Variants in CUX1 observed in about 807,000 individuals in gnomAD.
CUX1 encodes the protein cut like homeobox 1, also known as protein CASP.
CUX1 carries 31 observed loss-of-function variants against 158.8 expected under a neutral mutation model. The observed-to-expected ratio is 0.20, with a 90% CI of 0.15 to 0.26. The LOEUF (loss-of-function observed/expected upper bound fraction) is 0.26. CUX1 is among the 10% of genes least tolerant of loss of function. CUX1 has a pLI of 1.00. For missense variants in CUX1, 1,589 were observed against 2,014.6 expected, an observed-to-expected ratio of 0.79 and a Z score of 4.04; for synonymous variants, 879 against 862.1, an observed-to-expected ratio of 1.02 and a Z score of -0.34.
chr7:101,937,462 G>T (rs1178478432), intron 2 of CUX1, among the ~76,000 whole-genome samples: 1 of 152,022 alleles, frequency 6.6e-6, no homozygotes, highest in Non-Finnish European at 1.5e-5. Context: ...TGAGGAGGTT[G>T]TGGGGGGCCT....
Position 101,876,339 on chromosome 7 carries a change from AAAC to A in CUX1, c.31-39773_31-39771del, listed in dbSNP as rs1439691736. Among the ~76,000 whole-genome samples, 11 of 130,504 alleles carry A rather than the reference AAAC, an allele frequency of 8.4e-5. 1 individual carries two copies. Among genetic ancestry groups the A allele is most frequent in the South Asian group, 2.5e-4 (1 of 4,040 alleles). The allele number at this position is 130,504 out of a possible 152,430, so 85.6% of individuals were successfully genotyped here. ...CAGCCTGGGCGACAGATTAAAAAAAAAACAAAAAAAAAACCTGATTTGCAACAA... is the reference window on the plus strand; with the variant it reads ...CAGCCTGGGCGACAGATTAAAAAAAAAAAAAAAAAACCTGATTTGCAACAA... On this transcript the variant is annotated intron_variant, in intron 1 of 23. Coordinates refer to ENST00000292535, the MANE Select transcript of CUX1 (RefSeq NM_181552.4).
At chr7:101,876,123 A>G (rs1324404424) in intron 1 of CUX1, among the ~76,000 whole-genome samples, 1 of 152,034 alleles carries the variant, frequency 6.6e-6, no homozygotes, top group Non-Finnish European at 1.5e-5. Context: ...AAGTGGGTGG[A>G]TCACCTGAGG....
chr7:102,227,490 A>G lies in CUX1; in HGVS notation c.3254A>G (p.Lys1085Arg), dbSNP rs1210870912. Residue 1085 changes from lysine (K) to arginine (R), a missense_variant, in exon 21 of 24, where the codon AAG becomes AGG. This residue lies in a region of CUX1 where 259 missense variants were observed against 373.8 expected (regional missense o/e 0.69). Coordinates refer to ENST00000292535, the MANE Select transcript of CUX1 (RefSeq NM_181552.4). Reference sequence around the variant, plus strand: ...CCCTGTCCCCCCATCGAGGCGAGCAAGGACAGCAAGCCACCAGAGCCCAGT... The same window carrying G: ...CCCTGTCCCCCCATCGAGGCGAGCAGGGACAGCAAGCCACCAGAGCCCAGT... Reference protein sequence around the residue: ...QQPCPPIEASKDSKPPEPSDP... With the variant: ...QQPCPPIEASRDSKPPEPSDP... The G allele has an allele frequency of 6.2e-7, 1 of 1,613,948 alleles. No individual in the cohort carries two copies. Among genetic ancestry groups the G allele is most frequent in the Non-Finnish European group, 8.5e-7 (1 of 1,180,026 alleles).
In CUX1 at chr7:102,095,900, A is replaced by G. The variant is rs117109893; in HGVS notation, c.269-1464A>G. 8.9e-3 allele frequency among the ~76,000 whole-genome samples: 1,355 copies of G among 152,362 alleles called. 56 individuals carry two copies. Among genetic ancestry groups the G allele is most frequent in the Admixed American group, 0.072 (1,100 of 15,300 alleles). On this transcript the variant is annotated intron_variant, in intron 4 of 23. Coordinates refer to ENST00000292535, the MANE Select transcript of CUX1 (RefSeq NM_181552.4). ...GCCCCAGGTACCCAGCAGGCGGAAT[A>G]TAATTGCCTCTTAGGCAGCAGAAAG...
intron 23 of CUX1, among the ~76,000 whole-genome samples, chr7:102,245,186 G>A (rs529143440): frequency 2.0e-5 from 3 of 152,170 alleles, no homozygotes; most frequent in African/African-American, 7.2e-5. Flanking sequence ...GGGGCTTCAG[G>A]TGCATGCCAC....
chr7:102,273,041 C>T (rs1490294693), intron 14 of CUX1, among the ~76,000 whole-genome samples: 2 of 152,246 alleles, frequency 1.3e-5, no homozygotes, highest in African/African-American at 4.8e-5. Context: ...GGCCAGGGCC[C>T]CCCAAACAGC....
intron 12 of CUX1, among the ~76,000 whole-genome samples, chr7:102,190,331 C>G (rs1794139397): frequency 1.3e-5 from 2 of 152,210 alleles, no homozygotes; most frequent in African/African-American, 4.8e-5. Flanking sequence ...TAGCCGAAAG[C>G]TTATCATCTT....
At chr7:101,855,506 T>C (rs1796677129) in intron 1 of CUX1, among the ~76,000 whole-genome samples, 1 of 152,230 alleles carries the variant, frequency 6.6e-6, no homozygotes, top group African/African-American at 2.4e-5. Context: ...TGGAAGAGTC[T>C]TCAGTATATT....
chr7:102,025,341 T>A (rs1430465844), intron 2 of CUX1, among the ~76,000 whole-genome samples: 3 of 116,704 alleles, frequency 2.6e-5, no homozygotes, highest in African/African-American at 3.5e-5. Flanking sequence ...AAAAAGAGAT[T>A]GGTGGCCAGG....
At chr7:101,818,417 A>T (rs1277295747) in intron 1 of CUX1, among the ~76,000 whole-genome samples, 1 of 152,232 alleles carries the variant, frequency 6.6e-6, no homozygotes, top group East Asian at 1.9e-4. Context: ...TCTTTTTTAA[A>T]GCATCCTGGC....
In CUX1 at chr7:102,028,881, T is replaced by C. The variant is rs115716707; in HGVS notation, c.189+736T>C. Among the ~76,000 whole-genome samples, 1,340 of 152,198 alleles carry C rather than the reference T, an allele frequency of 8.8e-3. 26 individuals carry two copies. The highest frequency in any genetic ancestry group is 0.031 in the African/African-American group (1,289 of 41,514). Reference sequence around the variant, plus strand: ...ATTTATTGAATCTCACCTCTTTAGCTTCTCCCGACGGAAAAACAGAAAGTG... The same window carrying C: ...ATTTATTGAATCTCACCTCTTTAGCCTCTCCCGACGGAAAAACAGAAAGTG... On this transcript the variant is annotated intron_variant, in intron 3 of 23. Coordinates refer to ENST00000292535, the MANE Select transcript of CUX1 (RefSeq NM_181552.4).
chr7:102,088,748 A>C (rs535659383), intron 4 of CUX1, among the ~76,000 whole-genome samples: 2 of 152,128 alleles, frequency 1.3e-5, no homozygotes, highest in Admixed American at 1.3e-4. Context: ...ATTCATATAT[A>C]TTTTTTTAAC....
chr7:102,034,895 C>CCGCA (rs1217018268), intron 3 of CUX1, among the ~76,000 whole-genome samples: 1 of 151,922 alleles, frequency 6.6e-6, no homozygotes, highest in Non-Finnish European at 1.5e-5. Context: ...GATCGCGCCA[C>CCGCA]CGCACTCTAG....
At chr7:102,166,542 C>T (rs782181481) in intron 9 of CUX1, among the ~76,000 whole-genome samples, 28 of 152,106 alleles carry the variant, frequency 1.8e-4, no homozygotes, top group Non-Finnish European at 2.9e-5. Flanking sequence ...TTCAGGAAGA[C>T]GCCAGAGCCT....
intron 9 of CUX1, among the ~76,000 whole-genome samples, chr7:102,166,341 C>T (rs1554508757): frequency 2.0e-5 from 3 of 152,066 alleles, no homozygotes; most frequent in Non-Finnish European, 2.9e-5. Context: ...TCAGGCTTGG[C>T]GAGGGGCCGT....
At chr7:101,851,138 A>G (rs1204908763) in intron 1 of CUX1, among the ~76,000 whole-genome samples, 1 of 152,178 alleles carries the variant, frequency 6.6e-6, no homozygotes, top group Non-Finnish European at 1.5e-5. Flanking sequence ...TACATTTTTA[A>G]AAGCATAGTC....
intron 8 of CUX1, among the ~76,000 whole-genome samples, chr7:102,157,277 A>G (rs1789875547): frequency 6.6e-6 from 1 of 152,076 alleles, no homozygotes; most frequent in Non-Finnish European, 1.5e-5. Flanking sequence ...CCTCAACCCC[A>G]ACCAGGTCCC....
intron 20 of CUX1, among the ~76,000 whole-genome samples, chr7:102,222,647 C>T (rs1396943124): frequency 1.3e-5 from 2 of 151,608 alleles, no homozygotes; most frequent in East Asian, 1.9e-4. Flanking sequence ...TCACGCATGT[C>T]GATATGTGGG....
At chr7:102,273,602 A>G in intron 15 of CUX1, 2 of 1,354,638 alleles carry the variant, frequency 1.5e-6, no homozygotes, top group Non-Finnish European at 2.0e-6. Flanking sequence ...GCTGGTGACA[A>G]CCCAGAAGGG....
Sources: gnomAD v4.1 joint callset for allele counts (sites outside exome capture counted in the v4.1 genomes callset) on GRCh38, gnomAD v4.1.1 for gene constraint, gnomAD v4.1.1 regional missense constraint, MANE v1.5 for transcripts, NCBI Gene and HGNC (gene_info 2026-07-23, HGNC 2026-07-21) for gene names.